Variants in CAMTA1 observed in about 807,000 individuals in gnomAD.
CAMTA1 encodes the protein calmodulin-binding transcription activator 1.
Under a neutral mutation model 170.9 loss-of-function variants are expected in CAMTA1, and 27 were observed. The observed-to-expected ratio is 0.16, with a 90% CI of 0.12 to 0.22. CAMTA1 has a LOEUF of 0.22. Ranked by LOEUF, CAMTA1 falls within the 10% of genes least tolerant of loss-of-function variation. The probability of loss-of-function intolerance (pLI) is 1.00; values close to 1 mark genes in which losing one functional copy is unlikely to be tolerated. For missense variants in CAMTA1, 1,619 were observed against 2,217.2 expected, an observed-to-expected ratio of 0.73 and a Z score of 5.42; for synonymous variants, 833 against 891.5, an observed-to-expected ratio of 0.93 and a Z score of 1.17.
intron 11 of CAMTA1, among the ~76,000 whole-genome samples, chr1:7,730,147 G>C (rs2096720708): frequency 6.6e-6 from 1 of 152,228 alleles, no homozygotes. Flanking sequence ...TGAGGTAGGT[G>C]TAACTACTGT....
chr1:7,429,560 TATGG>T (rs754372873), intron 5 of CAMTA1, among the ~76,000 whole-genome samples: 3 of 145,966 alleles, frequency 2.1e-5, no homozygotes. Context: ...ACAGTGATAA[TATGG>T]ATGATGATGA....
intron 4 of CAMTA1, among the ~76,000 whole-genome samples, chr1:7,238,714 T>C (rs1186515898): frequency 6.6e-6 from 1 of 152,210 alleles, no homozygotes; most frequent in East Asian, 1.9e-4. Context: ...TGAAACCCTG[T>C]CTCTACTAAA....
At chr1:7,203,870 C>T (rs1414143509) in intron 4 of CAMTA1, among the ~76,000 whole-genome samples, 13 of 148,450 alleles carry the variant, frequency 8.8e-5, no homozygotes, top group African/African-American at 2.5e-4. Flanking sequence ...CTCACTCTGT[C>T]GCCCAGGCTG....
intron 6 of CAMTA1, among the ~76,000 whole-genome samples, chr1:7,594,240 A>AG (rs1553214863): frequency 0.16 from 22,980 of 144,730 alleles, 2,579 homozygotes; most frequent in African/African-American, 0.3. Context: ...GAAGGAAGGA[A>AG]GAAAGAAAAG....
intron 4 of CAMTA1, among the ~76,000 whole-genome samples, chr1:7,182,570 C>T (rs1652433595): frequency 6.6e-6 from 1 of 150,564 alleles, no homozygotes; most frequent in Non-Finnish European, 1.5e-5. Flanking sequence ...AAAAGGTTTT[C>T]TAACAATGAC....
intron 5 of CAMTA1, among the ~76,000 whole-genome samples, chr1:7,379,023 A>C (rs938423976): frequency 6.6e-6 from 1 of 152,320 alleles, no homozygotes; most frequent in East Asian, 1.9e-4. Context: ...TGGCACCTGC[A>C]GGCACCCTCC....
chr1:7,395,755 A>G (rs1390292030), intron 5 of CAMTA1, among the ~76,000 whole-genome samples: 5 of 152,044 alleles, frequency 3.3e-5, no homozygotes, highest in East Asian at 1.9e-4. Context: ...TCTTATATCA[A>G]TTTTTTTATA....
rs1487060829 is a variant in CAMTA1, at chr1:7,443,271, TGA to T, written c.439-24557_439-24556del. 6.6e-6 allele frequency among the ~76,000 whole-genome samples: 1 copy of T among 152,202 alleles called. No homozygotes were observed. The highest frequency in any genetic ancestry group is 1.9e-4 in the East Asian group (1 of 5,188). ...CCACTTTCGTGGGGTACAGTCCCCT[TGA>T]GGCAGGGACCAGGTCTGTTCTGGTC... On this transcript the variant is annotated intron_variant, in intron 5 of 22. Coordinates refer to ENST00000303635, the MANE Select transcript of CAMTA1 (RefSeq NM_015215.4). This position sits in a 1 kb window ranked among gnomAD's most constrained non-coding sequence, Gnocchi z 4.1.
chr1:7,190,403 A>G lies in CAMTA1; in HGVS notation c.303-59088A>G, dbSNP rs145534794. 4.0e-3 allele frequency among the ~76,000 whole-genome samples: 602 copies of G among 152,324 alleles called. 6 individuals carry two copies. Among genetic ancestry groups the G allele is most frequent in the African/African-American group, 0.014 (576 of 41,564 alleles). On this transcript the variant is annotated intron_variant, in intron 4 of 22. Coordinates refer to ENST00000303635, the MANE Select transcript of CAMTA1 (RefSeq NM_015215.4). ...AATACATGTGTGTATTACACGTAGC[A>G]TATATAATGATGTACTATATGTAAA...
At chr1:7,460,186 G>A (rs1298628561) in intron 5 of CAMTA1, among the ~76,000 whole-genome samples, 2 of 152,246 alleles carry the variant, frequency 1.3e-5, no homozygotes, top group Non-Finnish European at 2.9e-5. Context: ...GGAGGGGCCC[G>A]CCGTCCTCTC....
intron 5 of CAMTA1, among the ~76,000 whole-genome samples, chr1:7,394,340 T>G (rs1352438940): frequency 6.6e-6 from 1 of 152,216 alleles, no homozygotes; most frequent in Non-Finnish European, 1.5e-5. Flanking sequence ...TCTCCACATT[T>G]ATGCCAGCTT....
rs532449320 is a variant in CAMTA1 at position 7,695,414 on chromosome 1, T to C, written c.2914+17681T>C. 9.2e-5 allele frequency among the ~76,000 whole-genome samples: 14 copies of C among 152,310 alleles called. No homozygotes were observed. In the East Asian group the frequency reaches 2.5e-3, roughly 27 times the overall value. ...CATTTTTTCATTCCCAGTAACAGAG[T>C]GAGTGGGTGCTCATTTTTATATTTG... is the stretch of plus-strand genomic sequence containing the variant. On this transcript the variant is annotated intron_variant, in intron 11 of 22. Transcript: ENST00000303635.
In CAMTA1 at chr1:7,661,578, T is replaced by TCCC. The variant is rs2095957928; in HGVS notation, c.665-146_665-144dup. On this transcript the variant is annotated intron_variant, in intron 7 of 22. Coordinates refer to ENST00000303635, the MANE Select transcript of CAMTA1 (RefSeq NM_015215.4). ...AGCCTGGCCTCCCTTCCCCTCCTCC[T>TCCC]CCCCTACTCATCAATTCGCCCCAGG... The TCCC allele has an allele frequency of 9.3e-5, 81 of 867,232 alleles. 2 individuals carry two copies. In the South Asian group the frequency reaches 1.4e-3, roughly 14 times the overall value. The allele number at this position is 867,232 out of a possible 1,614,324, so 53.7% of individuals were successfully genotyped here.
chr1:7,609,370 A>T lies in CAMTA1; in HGVS notation c.511-31030A>T, dbSNP rs1166534231. ...TTTCCTGACACTCAACACTCAAAAT[A>T]ATGATCTCGCTGGAGCACCTTCATG... On this transcript the variant is annotated intron_variant, in intron 6 of 22. Transcript: ENST00000303635. This position sits in a 1 kb window ranked among gnomAD's most constrained non-coding sequence, Gnocchi z 4.4. Among the ~76,000 whole-genome samples the T allele has an allele frequency of 6.6e-6, 1 of 152,054 alleles. No homozygotes were observed. Among genetic ancestry groups the T allele is most frequent in the Non-Finnish European group, 1.5e-5 (1 of 67,994 alleles).
chr1:7,736,657 A>G lies in CAMTA1; in HGVS notation c.3263+117A>G. ...CATTCAGTCCACTTTATAGCCGGCG[A>G]GCAAAGGGCTTTGTCCTTGGACAGT... On this transcript the variant is annotated intron_variant, in intron 13 of 22. Transcript: ENST00000303635. The surrounding 1 kb of genome is among the most constrained non-coding windows in gnomAD (Gnocchi z 4.5). 1 of 1,013,360 alleles carries G rather than the reference A, an allele frequency of 9.9e-7. No individual in the cohort carries two copies. Among genetic ancestry groups the G allele is most frequent in the Non-Finnish European group, 1.5e-6 (1 of 667,418 alleles). The allele number at this position is 1,013,360 out of a possible 1,614,324, so 62.8% of individuals were successfully genotyped here. A position where few individuals can be genotyped will look rare whatever the true frequency, so the allele number is the denominator to read the frequency against.
chr1:7,291,400 T>C (rs1156886989), intron 5 of CAMTA1, among the ~76,000 whole-genome samples: 1 of 152,150 alleles, frequency 6.6e-6, no homozygotes, highest in Non-Finnish European at 1.5e-5. Flanking sequence ...CTCAGTCTCG[T>C]CATCTGAAAT....
chr1:7,069,662 A>T (rs1444799058), intron 3 of CAMTA1, among the ~76,000 whole-genome samples: 1 of 152,058 alleles, frequency 6.6e-6, no homozygotes, highest in Non-Finnish European at 1.5e-5. Flanking sequence ...GAGAGCCTGG[A>T]CAGCAGGCTC....
At chr1:6,846,779 A>G (rs1223188426) in intron 3 of CAMTA1, among the ~76,000 whole-genome samples, 2 of 152,222 alleles carry the variant, frequency 1.3e-5, no homozygotes, top group East Asian at 3.8e-4. Context: ...AAGAGGATTC[A>G]GAGGAGCTTG....
chr1:7,060,140 G>A (rs1446831790), intron 3 of CAMTA1, among the ~76,000 whole-genome samples: 1 of 152,186 alleles, frequency 6.6e-6, no homozygotes, highest in Non-Finnish European at 1.5e-5. Flanking sequence ...TTCCTAGGGG[G>A]TGGTATGAGT....
Sources: allele counts gnomAD v4.1 joint callset (sites outside exome capture counted in the v4.1 genomes callset), GRCh38; gene constraint gnomAD v4.1.1; non-coding constraint Gnocchi (gnomAD v3.1); transcripts MANE v1.5; gene names NCBI Gene and HGNC (gene_info 2026-07-23, HGNC 2026-07-21).